FAM107B: variants seen among roughly 807,000 people sequenced by gnomAD.
FAM107B encodes the protein protein FAM107B.
Under a neutral mutation model 31.5 loss-of-function variants are expected in FAM107B, and 21 were observed. That is an observed-to-expected ratio of 0.67 (90% CI 0.47 to 0.96). The LOEUF is 0.96. Ranked by LOEUF, FAM107B falls within the 40% of genes least tolerant of loss-of-function variation. The pLI is 0.00. For synonymous variants in FAM107B, 157 were observed against 141.5 expected (o/e 1.11, Z -0.78); for missense variants, 452 against 377.1 (o/e 1.20, Z -1.64).
chr10:14,576,934 C>T (rs11259199), intron 2 of FAM107B, among the ~76,000 whole-genome samples: 1 of 151,908 alleles, frequency 6.6e-6, no homozygotes, highest in African/African-American at 2.4e-5. Flanking sequence ...TTAAACACGA[C>T]GAAAAAACAG....
chr10:14,576,126 G>A (rs577068172), intron 2 of FAM107B, among the ~76,000 whole-genome samples: 1 of 152,320 alleles, frequency 6.6e-6, no homozygotes, highest in East Asian at 1.9e-4. Context: ...ACCGAGTTTT[G>A]GTTTGGGATG....
chr10:14,650,865 G>T (rs1407863846), intron 2 of FAM107B, among the ~76,000 whole-genome samples: 1 of 152,122 alleles, frequency 6.6e-6, no homozygotes, highest in Admixed American at 6.5e-5. Flanking sequence ...ATATTCCCTT[G>T]CTCTTATGCT....
At chr10:14,767,049 T>TAGAGAGAG (rs1215541884) in intron 1 of FAM107B, among the ~76,000 whole-genome samples, 1 of 36,052 alleles carries the variant, frequency 2.8e-5, no homozygotes, top group African/African-American at 9.6e-5. Flanking sequence ...TATATATATA[T>TAGAGAGAG]ATATATAGAG....
At chr10:14,627,351 A>G (rs1853191471) in intron 2 of FAM107B, among the ~76,000 whole-genome samples, 1 of 152,244 alleles carries the variant, frequency 6.6e-6, no homozygotes, top group Admixed American at 6.5e-5. Context: ...TTAGAAACGG[A>G]CCATATGGAT....
chr10:14,742,113 G>GTTTTT (rs1856454336), intron 1 of FAM107B, among the ~76,000 whole-genome samples: 1 of 151,618 alleles, frequency 6.6e-6, no homozygotes, highest in Non-Finnish European at 1.5e-5. Context: ...ATTTTTGTTT[G>GTTTTT]TTTTTTGTTT....
intron 2 of FAM107B, among the ~76,000 whole-genome samples, chr10:14,583,157 C>G (rs555535941): frequency 6.6e-6 from 1 of 151,822 alleles, no homozygotes; most frequent in East Asian, 1.9e-4. Context: ...GGAAGGTGGG[C>G]CCGGCAGTCT....
chr10:14,646,789 CTTT>C (rs369557470), intron 2 of FAM107B, among the ~76,000 whole-genome samples: 15 of 86,764 alleles, frequency 1.7e-4, no homozygotes, highest in African/African-American at 5.6e-4. Flanking sequence ...CCATTTTCTC[CTTT>C]TTTTTTTTTT....
At chr10:14,700,827 CAAAAAAAAAAAAAAA>C (rs1159035034) in intron 1 of FAM107B, among the ~76,000 whole-genome samples, 1 of 76,014 alleles carries the variant, frequency 1.3e-5, no homozygotes, top group Non-Finnish European at 2.3e-5. Flanking sequence ...TGGCAAGAGG[CAAAAAAAAAAAAAAA>C]AAAAAAAAAA....
chr10:14,527,453 C>T (rs1426417566), intron 3 of FAM107B, among the ~76,000 whole-genome samples: 1 of 152,238 alleles, frequency 6.6e-6, no homozygotes, highest in African/African-American at 2.4e-5. Context: ...TGAAATGTAA[C>T]TGGAAAAACT....
chr10:14,767,629 A>T (rs934987250), intron 1 of FAM107B, among the ~76,000 whole-genome samples: 1 of 129,300 alleles, frequency 7.7e-6, no homozygotes, highest in Non-Finnish European at 1.5e-5. Flanking sequence ...CTTTCATAAT[A>T]AAAAAAATAC....
At chr10:14,584,527 G>A (rs533900367) in intron 2 of FAM107B, among the ~76,000 whole-genome samples, 57 of 152,198 alleles carry the variant, frequency 3.7e-4, no homozygotes, top group Non-Finnish European at 6.3e-4. Flanking sequence ...AGTTGGTGCA[G>A]AAATTCAAGG....
intron 1 of FAM107B, among the ~76,000 whole-genome samples, chr10:14,742,270 C>G (rs1310492226): frequency 6.7e-6 from 1 of 149,374 alleles, no homozygotes; most frequent in Non-Finnish European, 1.5e-5. Flanking sequence ...GTGCATGCCA[C>G]CACACCCAGC....
intron 2 of FAM107B, among the ~76,000 whole-genome samples, chr10:14,595,003 CA>C (rs1852139828): frequency 6.6e-6 from 1 of 151,924 alleles, no homozygotes; most frequent in Non-Finnish European, 1.5e-5. Flanking sequence ...GCTACATGAA[CA>C]AAACCAGACC....
chr10:14,610,132 A>C (rs1322007723), intron 2 of FAM107B, among the ~76,000 whole-genome samples: 1 of 152,196 alleles, frequency 6.6e-6, no homozygotes, highest in Non-Finnish European at 1.5e-5. Context: ...TCACGAGGTC[A>C]GGAGATTGAG....
At chr10:14,636,701 G>C (rs1026844703) in intron 2 of FAM107B, among the ~76,000 whole-genome samples, 1 of 152,092 alleles carries the variant, frequency 6.6e-6, no homozygotes, top group African/African-American at 2.4e-5. Context: ...ATTTTAGGGG[G>C]GGTGGGGGAG....
At chr10:14,630,427 T>G (rs1402353583) in intron 2 of FAM107B, among the ~76,000 whole-genome samples, 1 of 152,080 alleles carries the variant, frequency 6.6e-6, no homozygotes, top group African/African-American at 2.4e-5. Context: ...AAAAATGCAC[T>G]GAGGCAGAGT....
intron 2 of FAM107B, among the ~76,000 whole-genome samples, chr10:14,624,390 C>T (rs187051250): frequency 6.6e-6 from 1 of 152,284 alleles, no homozygotes; most frequent in African/African-American, 2.4e-5. Context: ...AGTCTCAGCA[C>T]TTCTGGGAGG....
chr10:14,663,359 C>G (rs946344973), intron 2 of FAM107B: 10 of 152,228 alleles, frequency 6.6e-5, no homozygotes, highest in African/African-American at 2.4e-4. Context: ...ACTGAGGAGG[C>G]TTGGAACATA....
rs763382694 is a variant in FAM107B, at chr10:14,753,172, AAC to A, written c.411+21079_411+21080del. 2.6e-4 allele frequency among the ~76,000 whole-genome samples: 40 copies of A among 152,346 alleles called. 1 individual carries two copies. The highest frequency in any genetic ancestry group is 4.9e-4 in the Non-Finnish European group (33 of 68,028). On this transcript the variant is annotated intron_variant, in intron 1 of 4. Coordinates refer to ENST00000181796, the MANE Select transcript of FAM107B (RefSeq NM_031453.4). The stretch of plus-strand genomic sequence containing the variant: ...TGTAGACACACACAGACACAAACAC[AAC>A]ACACAGAAACACAGGCAGAGCACAC...
Sources: allele counts gnomAD v4.1 joint callset (sites outside exome capture counted in the v4.1 genomes callset), GRCh38; gene constraint gnomAD v4.1.1; transcripts MANE v1.5; gene names NCBI Gene and HGNC (gene_info 2026-07-23, HGNC 2026-07-21).